HTRA4: variants seen among roughly 807,000 people sequenced by gnomAD.
HTRA4 encodes HtrA serine peptidase 4.
Under a neutral mutation model 49.1 loss-of-function variants are expected in HTRA4, and 46 were observed. That is an observed-to-expected ratio of 0.94 (90% CI 0.74 to 1.20). The LOEUF (loss-of-function observed/expected upper bound fraction) is 1.20, where lower values mean the gene tolerates loss of function less well. Ranked by LOEUF, HTRA4 falls within the 50% of genes most tolerant of loss-of-function variation. HTRA4 has a pLI of 0.00. For missense variants in HTRA4, 602 were observed against 636.9 expected, an observed-to-expected ratio of 0.95 and a Z score of 0.59; for synonymous variants, 261 against 264.0, an observed-to-expected ratio of 0.99 and a Z score of 0.11.
Position 38,981,063 on chromosome 8 carries a change from G to GTTTTTTTTTTTTTTTTTTTTTTT in HTRA4, c.1000-578_1000-556dup, listed in dbSNP as rs71216700. ...TACTAAAGGAAAAAAATGAGCTTAA[G>GTTTTTTTTTTTTTTTTTTTTTTT]TTTTTTTTTTTTTTTTTTTTTTTTT... On this transcript the variant is annotated intron_variant, in intron 5 of 8. Transcript: ENST00000302495. Among the ~76,000 whole-genome samples the GTTTTTTTTTTTTTTTTTTTTTTT allele has an allele frequency of 6.2e-5, 3 of 48,162 alleles. 1 individual carries two copies. The highest frequency in any genetic ancestry group is 1.8e-4 in the African/African-American group (3 of 16,530). 31.6% of individuals were successfully genotyped at this position (48,162 alleles called of 152,430 possible).
chr8:38,983,091 T>TAGAA (rs1564180813), intron 8 of HTRA4, 43 bp downstream of exon 8: 1 of 1,324,886 alleles, frequency 7.5e-7, no homozygotes, highest in Non-Finnish European at 1.1e-6. Context: ...TTGCTTTTTC[T>TAGAA]AAATGTGTGC....
At chr8:38,984,833 G>A (rs1319719354) in intron 8 of HTRA4, among the ~76,000 whole-genome samples, 1 of 152,104 alleles carries the variant, frequency 6.6e-6, no homozygotes, top group East Asian at 1.9e-4. Context: ...GTCGAGATGG[G>A]AGGATCACCT....
Position 38,985,601 on chromosome 8 carries a change from TGTTACTA to T in HTRA4, c.1269-2334_1269-2328del, listed in dbSNP as rs565100105. On this transcript the variant is annotated intron_variant, in intron 8 of 8. Coordinates refer to ENST00000302495, the MANE Select transcript of HTRA4 (RefSeq NM_153692.4). The stretch of plus-strand genomic sequence containing the variant: ...TTCAGCACAGCAGTCATAGGTCTCA[TGTTACTA>T]AATTTGGCTTGTCCCTGGTTTCTCT... Among the ~76,000 whole-genome samples, 110 of 152,324 alleles carry T rather than the reference TGTTACTA, an allele frequency of 7.2e-4. 1 individual carries two copies. Among genetic ancestry groups the T allele is most frequent in the African/African-American group, 2.6e-3 (107 of 41,580 alleles).
chr8:38,979,604 G>A (rs900252152), intron 5 of HTRA4, among the ~76,000 whole-genome samples: 5 of 151,866 alleles, frequency 3.3e-5, no homozygotes, highest in Non-Finnish European at 5.9e-5. Flanking sequence ...TTCTAGCTCC[G>A]GCTTCCTTTG....
Position 38,974,260 on chromosome 8 carries a change from C to G in HTRA4, c.-4C>G. 6.2e-7 allele frequency: 1 copy of G among 1,612,230 alleles called. No homozygotes were observed. The highest frequency in any genetic ancestry group is 8.5e-7 in the Non-Finnish European group (1 of 1,179,406). On this transcript the variant is annotated 5_prime_UTR_variant, in exon 1 of 9. Coordinates refer to ENST00000302495, the MANE Select transcript of HTRA4 (RefSeq NM_153692.4). ...CTGAAGAGTGGAAGCGAGGAAGGAA[C>G]AGGATGATTAGACCTCAGCTGCGGA...
intron 7 of HTRA4, 135 bp from the exon 8 acceptor site, chr8:38,982,818 C>A: frequency 1.5e-6 from 1 of 659,362 alleles, no homozygotes; most frequent in Non-Finnish European, 2.6e-6. Flanking sequence ...AGGAGAATGA[C>A]TGTGATTAGC....
At chr8:38,987,579 T>C (rs1449013658) in intron 8 of HTRA4, among the ~76,000 whole-genome samples, 6 of 152,164 alleles carry the variant, frequency 3.9e-5, no homozygotes, top group Non-Finnish European at 5.9e-5. Flanking sequence ...CTTTTCACTT[T>C]GGCTGCTGAG....
intron 7 of HTRA4, 21 bp downstream of exon 7, chr8:38,982,576 G>C (rs1835436639): frequency 1.2e-6 from 2 of 1,613,468 alleles, no homozygotes; most frequent in Non-Finnish European, 8.5e-7. Flanking sequence ...GTTTGAATAT[G>C]TCTGGGTTGT....
At chr8:38,976,404 GA>G in intron 2 of HTRA4, 130 bp from the exon 3 acceptor site, 2 of 891,340 alleles carry the variant, frequency 2.2e-6, no homozygotes, top group Non-Finnish European at 3.4e-6. Flanking sequence ...TCTCAAAAAA[GA>G]AAAAAGAAAA....
At chr8:38,979,708 T>C (rs946212696) in intron 5 of HTRA4, among the ~76,000 whole-genome samples, 2 of 152,154 alleles carry the variant, frequency 1.3e-5, no homozygotes, top group African/African-American at 4.8e-5. Context: ...ATAGAGACGA[T>C]GTCTCACTAT....
In HTRA4 at chr8:38,974,293, G is replaced by A; in HGVS notation, c.30G>A (p.Gly10=). 1 of 1,612,442 alleles carries A rather than the reference G, an allele frequency of 6.2e-7. No homozygotes were observed. Among genetic ancestry groups the A allele is most frequent in the South Asian group, 1.1e-5 (1 of 90,720 alleles). The change falls in exon 1 of 9, where the codon GGG becomes GGA. Residue 10 remains glycine, a synonymous_variant. Coordinates refer to ENST00000302495, the MANE Select transcript of HTRA4 (RefSeq NM_153692.4). ...TTAGACCTCAGCTGCGGACCGCGGG[G>A]CTGGGACGATGCCTCCTGCCGGGGC... MIRPQLRTA[G]LGRCLLPGLL...
chr8:38,988,104 T>G lies in HTRA4; in HGVS notation c.*6T>G. ...TACCTGAAACAATCAATTAAATATC[T>G]TGTTTTAAAGTGGGATTATCTAAAA... On this transcript the variant is annotated 3_prime_UTR_variant, in exon 9 of 9. Transcript: ENST00000302495. 1 of 1,568,322 alleles carries G rather than the reference T, an allele frequency of 6.4e-7. No homozygotes were observed. Among genetic ancestry groups the G allele is most frequent in the Non-Finnish European group, 8.6e-7 (1 of 1,163,264 alleles).
chr8:38,988,013 C>A lies in HTRA4; in HGVS notation c.1346C>A (p.Ala449Asp). The A allele has an allele frequency of 6.2e-7, 1 of 1,612,636 alleles. No individual in the cohort carries two copies. The highest frequency in any genetic ancestry group is 2.2e-5 in the East Asian group (1 of 44,828). The change falls in exon 9 of 9, where the codon GCT (alanine) becomes GAT (aspartate). Residue 449 changes from alanine to aspartate, a missense_variant. Coordinates refer to ENST00000302495, the MANE Select transcript of HTRA4 (RefSeq NM_153692.4). ...PITTTTDVVKALDSDSLSMAV... is the reference protein window; with the variant it reads ...PITTTTDVVKDLDSDSLSMAV... ...ACTACTACAACTGATGTTGTTAAAG[C>A]TCTTGACAGTGATTCCCTTTCCATG... is the stretch of plus-strand genomic sequence containing the variant.
At position 38,988,197 on chromosome 8, in the gene HTRA4, A is replaced by G. The variant is rs7823125; in HGVS notation, c.*99A>G. ...GCCAAACATGGCAAGAAGTTTTTGG[A>G]TCTTTTTCTTACAAAGAAAAATGGA... On this transcript the variant is annotated 3_prime_UTR_variant, in exon 9 of 9. Transcript: ENST00000302495. 0.39 allele frequency: 440,177 copies of G among 1,116,504 alleles called. 91,179 individuals carry two copies. Among genetic ancestry groups the G allele is most frequent in the East Asian group, 0.72 (26,255 of 36,626 alleles). 69.2% of individuals were successfully genotyped at this position (1,116,504 alleles called of 1,614,324 possible). A position where few individuals can be genotyped will look rare whatever the true frequency, so the allele number is the denominator to read the frequency against.
chr8:38,979,278 TTTC>T (rs748549720), intron 5 of HTRA4, 31 bp downstream of exon 5: 4 of 1,599,974 alleles, frequency 2.5e-6, no homozygotes, highest in Non-Finnish European at 3.4e-6. Flanking sequence ...TTGCTTCATG[TTTC>T]TTCTTAACTT....
At chr8:38,983,368 C>A (rs994097936) in intron 8 of HTRA4, among the ~76,000 whole-genome samples, 4 of 152,136 alleles carry the variant, frequency 2.6e-5, no homozygotes, top group Admixed American at 1.3e-4. Flanking sequence ...GAAACCCCGT[C>A]TCTACTAAAA....
Position 38,988,508 on chromosome 8 carries a change from G to A in HTRA4, c.*410G>A, listed in dbSNP as rs993679702. 4 of 154,696 alleles carry A rather than the reference G, an allele frequency of 2.6e-5. No individual in the cohort carries two copies. Among genetic ancestry groups the A allele is most frequent in the Non-Finnish European group, 5.7e-5 (4 of 69,876 alleles). The allele number at this position is 154,696 out of a possible 1,614,324, so 9.6% of individuals were successfully genotyped here. On this transcript the variant is annotated 3_prime_UTR_variant, in exon 9 of 9. Coordinates refer to ENST00000302495, the MANE Select transcript of HTRA4 (RefSeq NM_153692.4). ...TAGGGTAGAGGGAGGGAGAGCATTA[G>A]CAAAAATAGCTAATGCATGCTGGGC... is the stretch of plus-strand genomic sequence containing the variant.
chr8:38,985,712 C>T (rs749450663), intron 8 of HTRA4, among the ~76,000 whole-genome samples: 1 of 152,178 alleles, frequency 6.6e-6, no homozygotes, highest in African/African-American at 2.4e-5. Flanking sequence ...CTATTTCTTT[C>T]GGCTAAGTCC....
In HTRA4 at chr8:38,974,595, T is replaced by C. The variant is rs1244976553; in HGVS notation, c.332T>C (p.Leu111Pro). 7.0e-7 allele frequency: 1 copy of C among 1,425,916 alleles called. No individual in the cohort carries two copies. Among genetic ancestry groups the C allele is most frequent in the Non-Finnish European group, 9.1e-7 (1 of 1,095,946 alleles). The allele number at this position is 1,425,916 out of a possible 1,614,324, so 88.3% of individuals were successfully genotyped here. ...CCCAGCACCTGCGGTTGCCCGACGC[T>C]GGGAGGGGCCGTGTGCGGCAGCGAC... is the stretch of plus-strand genomic sequence containing the variant. ...GFPSTCGCPT[L>P]GGAVCGSDRR... Residue 111 changes from leucine to proline, a missense_variant, in exon 1 of 9, where the codon CTG (leucine) becomes CCG (proline). Transcript: ENST00000302495.
Sources: allele counts gnomAD v4.1 joint callset (sites outside exome capture counted in the v4.1 genomes callset), GRCh38; gene constraint gnomAD v4.1.1; transcripts MANE v1.5; gene names NCBI Gene and HGNC (gene_info 2026-07-23, HGNC 2026-07-21).